PHF20: variants seen among roughly 807,000 people sequenced by gnomAD.
The protein encoded by PHF20 is PHD finger protein 20.
PHF20 carries 23 observed loss-of-function variants against 113.5 expected under a neutral mutation model. The ratio of observed to expected loss-of-function variants is 0.20; its 90% confidence interval spans 0.15 to 0.29. The LOEUF is 0.29. Among genes scored for constraint, PHF20 ranks in the 10% least tolerant of loss-of-function variants. PHF20 has a pLI of 1.00. For missense variants in PHF20, 943 were observed against 1,219.6 expected (o/e 0.77, Z 3.38); for synonymous variants, 434 against 457.3 (o/e 0.95, Z 0.65).
intron 4 of PHF20, among the ~76,000 whole-genome samples, chr20:35,855,867 C>T (rs1212013380): frequency 2.0e-5 from 3 of 152,026 alleles, no homozygotes; most frequent in Admixed American, 2.0e-4. Context: ...TCAGTAGAGA[C>T]AGGGTTTCAC....
chr20:35,839,164 G>A (rs2042496488), intron 2 of PHF20, among the ~76,000 whole-genome samples: 1 of 151,926 alleles, frequency 6.6e-6, no homozygotes, highest in Admixed American at 6.6e-5. Flanking sequence ...GCCGAGGGGG[G>A]CGGATCACGA....
chr20:35,773,138 G>T (rs2041098092), intron 1 of PHF20, among the ~76,000 whole-genome samples: 2 of 151,998 alleles, frequency 1.3e-5, no homozygotes, highest in South Asian at 4.2e-4. Flanking sequence ...TTTGTTTCTT[G>T]TGCCCCCCAA....
chr20:35,911,472 C>A (rs1324583020), intron 10 of PHF20, among the ~76,000 whole-genome samples: 1 of 152,190 alleles, frequency 6.6e-6, no homozygotes, highest in African/African-American at 2.4e-5. Flanking sequence ...TGCTATGAGT[C>A]TTCATGTATA....
At chr20:35,803,870 C>G (rs2041831438) in intron 2 of PHF20, among the ~76,000 whole-genome samples, 1 of 151,410 alleles carries the variant, frequency 6.6e-6, no homozygotes, top group Non-Finnish European at 1.5e-5. Context: ...CTCGCCCACC[C>G]CTGATATAGG....
chr20:35,844,416 G>GTTTTTTTTTTTT (rs1568641913), intron 3 of PHF20, among the ~76,000 whole-genome samples: 1 of 73,808 alleles, frequency 1.4e-5, no homozygotes. Flanking sequence ...TTTTTTTTTT[G>GTTTTTTTTTTTT]GTTTTTTTTT....
At chr20:35,891,813 T>G (rs1186845765) in intron 9 of PHF20, among the ~76,000 whole-genome samples, 3 of 152,182 alleles carry the variant, frequency 2.0e-5, no homozygotes, top group African/African-American at 7.2e-5. Flanking sequence ...GGACGATTGC[T>G]TAAGTCTTGG....
intron 2 of PHF20, among the ~76,000 whole-genome samples, chr20:35,809,663 T>TGATTGAGTCTTGA (rs2041943563): frequency 6.7e-6 from 1 of 150,198 alleles, no homozygotes; most frequent in Admixed American, 6.7e-5. Context: ...GTGGGAGGAT[T>TGATTGAGTCTTGA]GATTGAGTCA....
At chr20:35,912,410 C>CTTA (rs1273801537) in intron 10 of PHF20, among the ~76,000 whole-genome samples, 2 of 152,160 alleles carry the variant, frequency 1.3e-5, no homozygotes, top group African/African-American at 2.4e-5. Context: ...GGATTGACAT[C>CTTA]TTAAGGAGTT....
intron 17 of PHF20, among the ~76,000 whole-genome samples, chr20:35,944,522 G>A (rs1222692486): frequency 6.6e-6 from 1 of 152,162 alleles, no homozygotes; most frequent in African/African-American, 2.4e-5. Context: ...TTTGCTGTTG[G>A]AGTGACCCAT....
intron 5 of PHF20, among the ~76,000 whole-genome samples, chr20:35,859,784 A>G (rs985476842): frequency 1.3e-5 from 2 of 152,162 alleles, no homozygotes; most frequent in Non-Finnish European, 2.9e-5. Flanking sequence ...AGTTCAGGCA[A>G]TCTGCCCACC....
At chr20:35,886,512 A>G (rs1209642236) in intron 9 of PHF20, among the ~76,000 whole-genome samples, 1 of 152,192 alleles carries the variant, frequency 6.6e-6, no homozygotes, top group Non-Finnish European at 1.5e-5. Flanking sequence ...TCATTATATT[A>G]TGTGAAATAT....
Position 35,842,763 on chromosome 20 carries a change from A to G in PHF20, c.255+19A>G. Reference sequence around the variant, plus strand: ...ATCTTCTGTGAGTAACAAATCTGGGAAGTTCTGTAGTATGCAAGGTCAGCC... The same window carrying G: ...ATCTTCTGTGAGTAACAAATCTGGGGAGTTCTGTAGTATGCAAGGTCAGCC... On this transcript the variant is annotated intron_variant, in intron 3 of 17. Coordinates refer to ENST00000374012, the MANE Select transcript of PHF20 (RefSeq NM_016436.5). The G allele has an allele frequency of 1.2e-6, 2 of 1,610,678 alleles. No homozygotes were observed. Among genetic ancestry groups the G allele is most frequent in the Non-Finnish European group, 1.7e-6 (2 of 1,178,074 alleles).
intron 15 of PHF20, among the ~76,000 whole-genome samples, chr20:35,931,833 C>G (rs1170198726): frequency 6.6e-6 from 1 of 151,856 alleles, no homozygotes. Context: ...CGCCTGTAAT[C>G]TCAGCTACTT....
chr20:35,840,135 A>G (rs534733735), intron 2 of PHF20, among the ~76,000 whole-genome samples: 3 of 152,330 alleles, frequency 2.0e-5, no homozygotes, highest in African/African-American at 7.2e-5. Flanking sequence ...AGGAAGTGGT[A>G]CAAACCAGGT....
intron 2 of PHF20, among the ~76,000 whole-genome samples, chr20:35,835,785 C>T (rs1358400323): frequency 6.6e-6 from 1 of 151,968 alleles, no homozygotes; most frequent in Non-Finnish European, 1.5e-5. Flanking sequence ...AAAAAATTAG[C>T]CAGGCGTGGT....
chr20:35,802,704 G>A (rs1448313528), intron 2 of PHF20, among the ~76,000 whole-genome samples: 1 of 151,974 alleles, frequency 6.6e-6, no homozygotes, highest in African/African-American at 2.4e-5. Flanking sequence ...TTGGGAGGCC[G>A]AGGTGGGTGG....
At chr20:35,914,807 C>G (rs1246863464) in intron 12 of PHF20, among the ~76,000 whole-genome samples, 2 of 151,336 alleles carry the variant, frequency 1.3e-5, no homozygotes. Flanking sequence ...TGCAAAAATA[C>G]AAAAACTTAG....
chr20:35,841,833 T>G (rs532091234), intron 2 of PHF20, among the ~76,000 whole-genome samples: 1 of 152,116 alleles, frequency 6.6e-6, no homozygotes, highest in Non-Finnish European at 1.5e-5. Flanking sequence ...TTATAAATGC[T>G]TAAAATTGAG....
chr20:35,865,439 AT>A (rs998706484), intron 6 of PHF20, among the ~76,000 whole-genome samples: 13 of 149,374 alleles, frequency 8.7e-5, no homozygotes, highest in African/African-American at 2.0e-4. Flanking sequence ...TAAAAAAAAA[AT>A]TTTTTTTAAA....
Sources: allele counts gnomAD v4.1 joint callset (sites outside exome capture counted in the v4.1 genomes callset), GRCh38; gene constraint gnomAD v4.1.1; transcripts MANE v1.5; gene names NCBI Gene and HGNC (gene_info 2026-07-23, HGNC 2026-07-21).